Variants in SLCO2A1 observed in about 807,000 individuals in gnomAD.
SLCO2A1 encodes solute carrier organic anion transporter family member 2A1, also known as matrin F/G 1.
Under a neutral mutation model 71.7 loss-of-function variants are expected in SLCO2A1, and 60 were observed. That is an observed-to-expected ratio of 0.84 (90% CI 0.68 to 1.04). The LOEUF (loss-of-function observed/expected upper bound fraction) is 1.04. SLCO2A1 is among the 50% of genes least tolerant of loss of function. The probability of loss-of-function intolerance (pLI) is 0.00; values close to 1 mark genes in which losing one functional copy is unlikely to be tolerated. For missense variants in SLCO2A1, 745 were observed against 813.4 expected (o/e 0.92, Z 1.02); for synonymous variants, 308 against 326.7 (o/e 0.94, Z 0.62).
At chr3:133,987,916 G>A (rs1294344028) in intron 1 of SLCO2A1, among the ~76,000 whole-genome samples, 16 of 152,214 alleles carry the variant, frequency 1.1e-4, no homozygotes, top group Admixed American at 1.0e-3. Flanking sequence ...GACTCTGACA[G>A]GGCAATCTGA....
intron 6 of SLCO2A1, 41 bp downstream of exon 6, chr3:133,951,167 T>C: frequency 6.2e-7 from 1 of 1,613,208 alleles, no homozygotes; most frequent in Non-Finnish European, 8.5e-7. Flanking sequence ...ATCCCTTTCT[T>C]CAACTCCATC....
rs140218616 is a variant in SLCO2A1 at position 134,023,424 on chromosome 3, T to C, written c.96+6283A>G. Among the ~76,000 whole-genome samples, 408 of 152,294 alleles carry C rather than the reference T, an allele frequency of 2.7e-3. 7 individuals carry two copies. The highest frequency in any genetic ancestry group is 9.4e-3 in the African/African-American group (391 of 41,560). ...CCAAGTCAAAGACAGCTTTCTGCTT[T>C]AGAAAAGTACTTCTGTCCCTCCTGA... is the stretch of plus-strand genomic sequence containing the variant. On this transcript the variant is annotated intron_variant, in intron 1 of 13. Transcript: ENST00000310926.
chr3:133,976,391 G>A (rs1934449048), intron 2 of SLCO2A1, among the ~76,000 whole-genome samples: 1 of 152,204 alleles, frequency 6.6e-6, no homozygotes, highest in African/African-American at 2.4e-5. Context: ...CTGGGTGAGG[G>A]TCAGTGGAGG....
chr3:133,988,804 C>G (rs1374977522), intron 1 of SLCO2A1, among the ~76,000 whole-genome samples: 1 of 152,222 alleles, frequency 6.6e-6, no homozygotes, highest in Non-Finnish European at 1.5e-5. Context: ...GCCGAGCTGA[C>G]TGCATACCAG....
chr3:134,029,327 C>A (rs1287057559), intron 1 of SLCO2A1, among the ~76,000 whole-genome samples: 1 of 152,184 alleles, frequency 6.6e-6, no homozygotes, highest in Non-Finnish European at 1.5e-5. Flanking sequence ...TAACCGCCCG[C>A]TGGAGGCCGA....
At chr3:134,012,562 C>T (rs1030662407) in intron 1 of SLCO2A1, among the ~76,000 whole-genome samples, 3 of 152,192 alleles carry the variant, frequency 2.0e-5, no homozygotes, top group African/African-American at 7.2e-5. Flanking sequence ...CAGGAAGCAC[C>T]ATCTTTCAAT....
At chr3:133,953,284 G>A (rs889449888) in intron 5 of SLCO2A1, among the ~76,000 whole-genome samples, 3 of 152,150 alleles carry the variant, frequency 2.0e-5, no homozygotes, top group South Asian at 2.1e-4. Context: ...TGATCCACCC[G>A]CCTCAGCCTC....
intron 1 of SLCO2A1, among the ~76,000 whole-genome samples, chr3:134,026,072 G>C (rs1935695876): frequency 2.0e-5 from 3 of 152,142 alleles, no homozygotes; most frequent in Admixed American, 2.0e-4. Context: ...CCCAGTTCCT[G>C]ATGAATTCCC....
At chr3:133,938,665 C>T (rs911552324) in intron 11 of SLCO2A1, among the ~76,000 whole-genome samples, 172 bp from the exon 12 acceptor site, 1 of 152,100 alleles carries the variant, frequency 6.6e-6, no homozygotes, top group African/African-American at 2.4e-5. Context: ...CATCAGTGGC[C>T]TCAAAGCGTG....
intron 6 of SLCO2A1, among the ~76,000 whole-genome samples, chr3:133,949,573 C>G (rs1440959714): frequency 6.6e-6 from 1 of 152,194 alleles, no homozygotes; most frequent in Non-Finnish European, 1.5e-5. Context: ...TCTGAACTAC[C>G]TTTCAGATGC....
chr3:134,005,377 A>T (rs1429195092), intron 1 of SLCO2A1, among the ~76,000 whole-genome samples: 1 of 151,498 alleles, frequency 6.6e-6, no homozygotes, highest in South Asian at 2.1e-4. Context: ...ATTGTTTTAG[A>T]TGTCTCTTTT....
chr3:133,960,949 GC>G (rs899881437), intron 3 of SLCO2A1, among the ~76,000 whole-genome samples: 3 of 152,008 alleles, frequency 2.0e-5, no homozygotes, highest in African/African-American at 7.3e-5. Flanking sequence ...GGGCTCAGAT[GC>G]GGGGGTGGTA....
At chr3:134,016,042 C>G (rs962084225) in intron 1 of SLCO2A1, among the ~76,000 whole-genome samples, 1 of 151,898 alleles carries the variant, frequency 6.6e-6, no homozygotes, top group African/African-American at 2.4e-5. Flanking sequence ...TCAATTAACT[C>G]AAAATAGAAA....
intron 1 of SLCO2A1, among the ~76,000 whole-genome samples, 190 bp from the exon 2 acceptor site, chr3:133,979,808 C>T (rs1302089656): frequency 6.6e-6 from 1 of 152,158 alleles, no homozygotes; most frequent in Non-Finnish European, 1.5e-5. Flanking sequence ...AGGAAGCACT[C>T]CTAAAGTGCT....
At chr3:133,943,113 G>A (rs1281974097) in intron 10 of SLCO2A1, among the ~76,000 whole-genome samples, 1 of 152,240 alleles carries the variant, frequency 6.6e-6, no homozygotes, top group East Asian at 1.9e-4. Flanking sequence ...CCCAGCAGTG[G>A]TGGTTTTGCA....
rs538627002 is a variant in SLCO2A1, at chr3:134,003,443, T to C, written c.97-23825A>G. The stretch of plus-strand genomic sequence containing the variant: ...CTTTATGGCTCTGGCAGAATTTGTG[T>C]ATAGGAGAGAAGCAGAGCCCTCATG... On this transcript the variant is annotated intron_variant, in intron 1 of 13. Transcript: ENST00000310926. Among the ~76,000 whole-genome samples, 16 of 152,274 alleles carry C rather than the reference T, an allele frequency of 1.1e-4. No individual in the cohort carries two copies. The South Asian group carries it at 3.3e-3, about 32-fold the overall frequency.
chr3:133,983,496 G>A (rs1219793720), intron 1 of SLCO2A1, among the ~76,000 whole-genome samples: 1 of 152,226 alleles, frequency 6.6e-6, no homozygotes, highest in African/African-American at 2.4e-5. Flanking sequence ...GTTTTGGATT[G>A]TTCTGGTATG....
chr3:133,996,421 C>T (rs543897542), intron 1 of SLCO2A1, among the ~76,000 whole-genome samples: 13 of 152,324 alleles, frequency 8.5e-5, no homozygotes, highest in East Asian at 3.9e-4. Flanking sequence ...GTAGGACGGA[C>T]GTGCATGGAC....
At chr3:133,936,959 T>A (rs1423373681) in intron 12 of SLCO2A1, among the ~76,000 whole-genome samples, 1 of 152,106 alleles carries the variant, frequency 6.6e-6, no homozygotes, top group Non-Finnish European at 1.5e-5. Context: ...AGGAAGTCCT[T>A]TTTTTTACCC....
Sources: gnomAD v4.1 joint callset for allele counts (sites outside exome capture counted in the v4.1 genomes callset) on GRCh38, gnomAD v4.1.1 for gene constraint, MANE v1.5 for transcripts, NCBI Gene and HGNC (gene_info 2026-07-23, HGNC 2026-07-21) for gene names.